SEC23A: variants seen among roughly 807,000 people sequenced by gnomAD.
The protein encoded by SEC23A is protein transport protein Sec23A.
A neutral mutation model predicts 103.7 loss-of-function variants in SEC23A; 56 were observed. The ratio of observed to expected loss-of-function variants is 0.54; its 90% CI spans 0.44 to 0.67. SEC23A has a LOEUF of 0.67. Among genes scored for constraint, SEC23A ranks in the 30% least tolerant of loss-of-function variants. The pLI, the probability that SEC23A is intolerant of heterozygous loss-of-function variation, is 0.00. For synonymous variants in SEC23A, 281 were observed against 293.0 expected (o/e 0.96, Z 0.42); for missense variants, 784 against 936.4 (o/e 0.84, Z 2.12).
At chr14:39,037,209 T>C (rs552274724) in intron 19 of SEC23A, among the ~76,000 whole-genome samples, 124 of 152,216 alleles carry the variant, frequency 8.1e-4, no homozygotes, top group African/African-American at 2.9e-3. Flanking sequence ...CAAACCCAAA[T>C]TGCCAACAGC....
rs546867445 is a variant in SEC23A, at chr14:39,056,548, C to A, written c.1506-1252G>T. On this transcript the variant is annotated intron_variant, in intron 13 of 19. Coordinates refer to ENST00000307712, the MANE Select transcript of SEC23A (RefSeq NM_006364.4). ...GGAGTGCAGTGGAAGGATCTCAGCT[C>A]ACTGCAACCTCTGTCTCCTGGGTTC... Among the ~76,000 whole-genome samples the A allele has an allele frequency of 4.6e-5, 7 of 151,074 alleles. No homozygotes were observed. In the East Asian group the frequency reaches 1.4e-3, roughly 29 times the overall value.
At position 39,051,982 on chromosome 14, in the gene SEC23A, T is replaced by C. The variant is rs534745032; in HGVS notation, c.1659+3161A>G. Among the ~76,000 whole-genome samples the C allele has an allele frequency of 2.9e-5, 4 of 135,986 alleles. No homozygotes were observed. In the South Asian group the frequency reaches 9.4e-4, roughly 32 times the overall value. 89.2% of individuals were successfully genotyped at this position (135,986 alleles called of 152,430 possible). ...GCTCCTTCTCGAAAAAAAAAAAAAATGGAACCAGATCATGTCCTTTGCAGG... is the reference window on the plus strand; with the variant it reads ...GCTCCTTCTCGAAAAAAAAAAAAAACGGAACCAGATCATGTCCTTTGCAGG... On this transcript the variant is annotated intron_variant, in intron 14 of 19. Coordinates refer to ENST00000307712, the MANE Select transcript of SEC23A (RefSeq NM_006364.4).
At chr14:39,100,884 C>T (rs931038530) in intron 1 of SEC23A, among the ~76,000 whole-genome samples, 1 of 151,856 alleles carries the variant, frequency 6.6e-6, no homozygotes, top group African/African-American at 2.4e-5. Flanking sequence ...CACTCTATCA[C>T]CCAGGTTGGA....
intron 14 of SEC23A, among the ~76,000 whole-genome samples, chr14:39,049,920 C>T (rs752626950): frequency 4.6e-5 from 7 of 151,900 alleles, no homozygotes; most frequent in African/African-American, 9.7e-5. Flanking sequence ...AGGCATCCGC[C>T]GCCACGCCCA....
intron 14 of SEC23A, among the ~76,000 whole-genome samples, chr14:39,052,658 C>A (rs1201077445): frequency 2.0e-5 from 3 of 152,140 alleles, no homozygotes; most frequent in Admixed American, 6.5e-5. Flanking sequence ...TTACATCAAG[C>A]AGCTTTTAGA....
intron 14 of SEC23A, among the ~76,000 whole-genome samples, chr14:39,052,216 T>C (rs1267091216): frequency 6.6e-6 from 1 of 151,878 alleles, no homozygotes; most frequent in African/African-American, 2.4e-5. Flanking sequence ...CTATAATACC[T>C]GGGTGATGGG....
At chr14:39,041,896 A>G (rs1225591012) in intron 17 of SEC23A, among the ~76,000 whole-genome samples, 1 of 149,884 alleles carries the variant, frequency 6.7e-6, no homozygotes, top group African/African-American at 2.4e-5. Flanking sequence ...AGTCCTGGGT[A>G]GTACTACTTC....
At chr14:39,085,647 GA>G in intron 7 of SEC23A, 114 bp downstream of exon 7, 6 of 1,319,048 alleles carry the variant, frequency 4.5e-6, no homozygotes, top group African/African-American at 1.5e-5. Context: ...GAATAGGGAG[GA>G]AAAAAAGCAC....
chr14:39,072,161 G>A (rs903800888), intron 9 of SEC23A, among the ~76,000 whole-genome samples: 1 of 151,856 alleles, frequency 6.6e-6, no homozygotes, highest in African/African-American at 2.4e-5. Flanking sequence ...GAACCCAGGA[G>A]GCAGAAGTTC....
intron 16 of SEC23A, among the ~76,000 whole-genome samples, chr14:39,043,372 G>A (rs2139190354): frequency 6.6e-6 from 1 of 152,080 alleles, no homozygotes; most frequent in South Asian, 2.1e-4. Context: ...AATTTTTTAA[G>A]GAATCCCTTT....
chr14:39,072,647 A>G (rs1351853310), intron 9 of SEC23A, among the ~76,000 whole-genome samples: 5 of 128,032 alleles, frequency 3.9e-5, no homozygotes, highest in Admixed American at 2.2e-4. Flanking sequence ...CGTCTCCACA[A>G]AAAAAAAGTA....
At chr14:39,089,983 T>C (rs888432774) in intron 5 of SEC23A, among the ~76,000 whole-genome samples, 1 of 152,040 alleles carries the variant, frequency 6.6e-6, no homozygotes, top group Non-Finnish European at 1.5e-5. Context: ...ATTTCAACTT[T>C]CTCTACCTTC....
chr14:39,033,987 A>G (rs1195800815), intron 19 of SEC23A, among the ~76,000 whole-genome samples: 2 of 152,230 alleles, frequency 1.3e-5, no homozygotes, highest in African/African-American at 4.8e-5. Flanking sequence ...TTCAAAGTCT[A>G]AAACAGGGAA....
intron 9 of SEC23A, among the ~76,000 whole-genome samples, chr14:39,070,536 C>T (rs1047473088): frequency 2.6e-5 from 4 of 152,090 alleles, no homozygotes; most frequent in African/African-American, 9.7e-5. Flanking sequence ...TGAGATTCAT[C>T]CCAGAAATGC....
intron 13 of SEC23A, among the ~76,000 whole-genome samples, chr14:39,055,711 A>G: frequency 6.6e-6 from 1 of 152,236 alleles, no homozygotes. Context: ...ACCCAGGCAA[A>G]GTATCGATAA....
intron 7 of SEC23A, among the ~76,000 whole-genome samples, chr14:39,077,968 G>C (rs181125530): frequency 3.9e-5 from 6 of 152,062 alleles, no homozygotes; most frequent in African/African-American, 1.2e-4. Flanking sequence ...TAAATAAATA[G>C]GCCAGACACT....
intron 11 of SEC23A, among the ~76,000 whole-genome samples, chr14:39,063,811 A>G (rs1017614622): frequency 2.6e-5 from 4 of 151,916 alleles, no homozygotes; most frequent in African/African-American, 9.7e-5. Context: ...CCTGGCTAAC[A>G]CGGTGAAACC....
At position 39,064,947 on chromosome 14, in the gene SEC23A, G is replaced by C; in HGVS notation, c.1274C>G (p.Ser425Ter). The C allele has an allele frequency of 6.2e-7, 1 of 1,613,152 alleles. No homozygotes were observed. The highest frequency in any genetic ancestry group is 1.1e-5 in the South Asian group (1 of 91,050). The change falls in exon 11 of 20, where the codon TCA becomes TGA. Residue 425 changes from serine (S) to a stop codon, truncating the protein, a stop_gained. Transcript: ENST00000307712. LOFTEE classifies it high-confidence loss of function. ...CACACAGGGTCCTTTAGAATTGAGT[G>C]ACACACAGGGTCCAATAGCTCCTGA... ...KISGAIGPCV[S>*]LNSKGPCVSE...
At chr14:39,044,800 C>T (rs2139192598) in intron 16 of SEC23A, among the ~76,000 whole-genome samples, 1 of 152,272 alleles carries the variant, frequency 6.6e-6, no homozygotes, top group South Asian at 2.1e-4. Context: ...AGACACTAAA[C>T]TCTGGAATAA....
Sources: allele counts gnomAD v4.1 joint callset (sites outside exome capture counted in the v4.1 genomes callset), GRCh38; gene constraint gnomAD v4.1.1; transcripts MANE v1.5; gene names NCBI Gene and HGNC (gene_info 2026-07-23, HGNC 2026-07-21).